WASHC3: variants seen among roughly 807,000 people sequenced by gnomAD.
WASHC3 encodes the protein WASH complex subunit CCDC53.
WASHC3 carries 24 observed loss-of-function variants against 26.1 expected under a neutral mutation model. The observed-to-expected ratio is 0.92, with a 90% confidence interval of 0.66 to 1.29. The LOEUF is 1.29. Ranked by LOEUF, WASHC3 falls within the 50% of genes most tolerant of loss-of-function variation. The pLI is 0.00. For synonymous variants in WASHC3, 77 were observed against 75.7 expected (o/e 1.02, Z -0.09); for missense variants, 214 against 229.6 (o/e 0.93, Z 0.44).
At chr12:102,044,628 C>A (rs558728942) in intron 3 of WASHC3, among the ~76,000 whole-genome samples, 3 of 151,484 alleles carry the variant, frequency 2.0e-5, no homozygotes, top group African/African-American at 7.3e-5. Context: ...GATAATACTT[C>A]GAAAAAAAAG....
At chr12:102,041,917 G>A (rs59243036) in intron 4 of WASHC3, among the ~76,000 whole-genome samples, 1 of 151,978 alleles carries the variant, frequency 6.6e-6, no homozygotes, top group East Asian at 1.9e-4. Flanking sequence ...AAGAAATTCA[G>A]CTGTGATTAC....
At chr12:102,032,672 A>G (rs908765278) in intron 5 of WASHC3, among the ~76,000 whole-genome samples, 22 of 152,160 alleles carry the variant, frequency 1.4e-4, no homozygotes, top group African/African-American at 5.1e-4. Context: ...GGGATCAATT[A>G]ATAGATCATA....
At chr12:102,024,140 A>T (rs1250879905) in intron 6 of WASHC3, among the ~76,000 whole-genome samples, 1 of 152,234 alleles carries the variant, frequency 6.6e-6, no homozygotes, top group Non-Finnish European at 1.5e-5. Context: ...TGCTATGGCT[A>T]TATGAAATAG....
intron 1 of WASHC3, 93 bp downstream of exon 1, chr12:102,061,819 T>G: frequency 9.1e-7 from 1 of 1,100,162 alleles, no homozygotes; most frequent in Non-Finnish European, 1.3e-6. Flanking sequence ...CGTGACAGGG[T>G]GGGGACTCGG....
At chr12:102,019,613 T>C (rs531720578) in intron 6 of WASHC3, among the ~76,000 whole-genome samples, 1 of 152,140 alleles carries the variant, frequency 6.6e-6, no homozygotes, top group African/African-American at 2.4e-5. Context: ...TTTTTAAAAA[T>C]TTCAATCTTT....
At chr12:102,021,670 C>A (rs1352142991) in intron 6 of WASHC3, among the ~76,000 whole-genome samples, 1 of 152,018 alleles carries the variant, frequency 6.6e-6, no homozygotes, top group Non-Finnish European at 1.5e-5. Flanking sequence ...ACAGTAAAAA[C>A]CCTATTTTTG....
chr12:102,012,936 A>T lies in WASHC3; in HGVS notation c.*172T>A. ...TGAGGCCCTTTATTTTAGCAACAAG[A>T]CATACTGGCAGGTTAAAACTGCTTT... On this transcript the variant is annotated 3_prime_UTR_variant, in exon 7 of 7. Coordinates refer to ENST00000240079, the MANE Select transcript of WASHC3 (RefSeq NM_016053.4). The T allele has an allele frequency of 4.2e-6, 2 of 478,538 alleles. No individual in the cohort carries two copies. Among genetic ancestry groups the T allele is most frequent in the Non-Finnish European group, 7.3e-6 (2 of 273,056 alleles). 29.6% of individuals were successfully genotyped at this position (478,538 alleles called of 1,614,324 possible).
chr12:102,016,037 G>A (rs910856308), intron 6 of WASHC3, among the ~76,000 whole-genome samples: 1 of 151,984 alleles, frequency 6.6e-6, no homozygotes, highest in African/African-American at 2.4e-5. Context: ...CTACAGGCAT[G>A]CGCCACCACC....
intron 2 of WASHC3, 76 bp downstream of exon 2, chr12:102,061,171 GT>G: frequency 1.1e-6 from 1 of 932,038 alleles, no homozygotes; most frequent in Non-Finnish European, 1.7e-6. Flanking sequence ...TGTAATTCTT[GT>G]TTTACTCCAT....
intron 2 of WASHC3, among the ~76,000 whole-genome samples, chr12:102,046,976 G>A (rs1878192678): frequency 6.6e-6 from 1 of 152,112 alleles, no homozygotes; most frequent in Non-Finnish European, 1.5e-5. Context: ...TTTGGAAAGA[G>A]AAGAGAAAAA....
In WASHC3 at chr12:102,015,958, C is replaced by T. The variant is rs375375987; in HGVS notation, c.501-2766G>A. Among the ~76,000 whole-genome samples, 28 of 151,406 alleles carry T rather than the reference C, an allele frequency of 1.8e-4. 1 individual carries two copies. Among genetic ancestry groups the T allele is most frequent in the Admixed American group, 3.3e-4 (5 of 15,218 alleles). On this transcript the variant is annotated intron_variant, in intron 6 of 6. Transcript: ENST00000240079. ...AGTCTGGAGAGTAGTAGTGTGATCT[C>T]GGCTCACTGAAACCTCTGCCTTCTG...
chr12:102,015,740 A>G (rs933691368), intron 6 of WASHC3, among the ~76,000 whole-genome samples: 1 of 152,220 alleles, frequency 6.6e-6, no homozygotes, highest in Non-Finnish European at 1.5e-5. Context: ...GGGAGACAGA[A>G]ATGCAAACAA....
At chr12:102,042,290 G>T (rs2136670379) in intron 4 of WASHC3, among the ~76,000 whole-genome samples, 1 of 152,168 alleles carries the variant, frequency 6.6e-6, no homozygotes, top group East Asian at 1.9e-4. Flanking sequence ...ATAAATGGAT[G>T]TTAAATTTTA....
At chr12:102,030,112 A>G (rs1877370249) in intron 5 of WASHC3, among the ~76,000 whole-genome samples, 3 of 152,028 alleles carry the variant, frequency 2.0e-5, no homozygotes, top group Non-Finnish European at 4.4e-5. Flanking sequence ...CCTGACCAAC[A>G]TGGAGAAACC....
intron 5 of WASHC3, among the ~76,000 whole-genome samples, chr12:102,036,766 G>A (rs1232057068): frequency 2.6e-5 from 4 of 152,072 alleles, no homozygotes; most frequent in East Asian, 1.9e-4. Context: ...TACCCTCACC[G>A]AAGGCAGAAA....
chr12:102,029,822 C>G (rs1180288364), intron 5 of WASHC3, among the ~76,000 whole-genome samples: 1 of 152,020 alleles, frequency 6.6e-6, no homozygotes, highest in Admixed American at 6.6e-5. Flanking sequence ...CTATTGAATA[C>G]GTTGGTGGAA....
chr12:102,016,756 CAAAAT>C (rs1419390993), intron 6 of WASHC3, among the ~76,000 whole-genome samples: 1 of 151,470 alleles, frequency 6.6e-6, no homozygotes, highest in Non-Finnish European at 1.5e-5. Flanking sequence ...TTTAAGAAGT[CAAAAT>C]AAAAAGTTCA....
At chr12:102,044,035 CT>C (rs1878051822) in intron 4 of WASHC3, 69 bp downstream of exon 4, 1 of 622,392 alleles carries the variant, frequency 1.6e-6, no homozygotes, top group Non-Finnish European at 2.7e-6. Context: ...ATTTTTCTTC[CT>C]TCCAACCTGC....
chr12:102,060,093 AAC>A (rs1389018946), intron 2 of WASHC3, among the ~76,000 whole-genome samples: 2 of 152,246 alleles, frequency 1.3e-5, no homozygotes, highest in South Asian at 4.1e-4. Context: ...TAATAGTAGT[AAC>A]ACACTTAACA....
Sources: gnomAD v4.1 joint callset for allele counts (sites outside exome capture counted in the v4.1 genomes callset) on GRCh38, gnomAD v4.1.1 for gene constraint, MANE v1.5 for transcripts, NCBI Gene and HGNC (gene_info 2026-07-23, HGNC 2026-07-21) for gene names.